The following TNKS variants were observed in gnomAD, a reference collection of about 807,000 sequenced individuals.
TNKS encodes poly [ADP-ribose] polymerase tankyrase-1.
A neutral mutation model predicts 135.8 loss-of-function variants in TNKS; 72 were observed. That is an observed-to-expected ratio of 0.53 (90% CI 0.44 to 0.64). The LOEUF is 0.64. Ranked by LOEUF, TNKS falls within the 30% of genes least tolerant of loss-of-function variation. The probability of loss-of-function intolerance (pLI) is 0.00; values close to 1 mark genes in which losing one functional copy is unlikely to be tolerated. For synonymous variants in TNKS, 849 were observed against 649.3 expected, an observed-to-expected ratio of 1.31 and a Z score of -4.68; for missense variants, 1,769 against 1,674.0, an observed-to-expected ratio of 1.06 and a Z score of -0.99.
chr8:9,640,877 A>G (rs1383717589), intron 3 of TNKS, among the ~76,000 whole-genome samples: 1 of 146,020 alleles, frequency 6.8e-6, no homozygotes, highest in Non-Finnish European at 1.5e-5. Context: ...AACATACCCA[A>G]CATCCTTCTC....
intron 2 of TNKS, among the ~76,000 whole-genome samples, chr8:9,609,354 A>G (rs1585226233): frequency 6.6e-6 from 1 of 152,190 alleles, no homozygotes; most frequent in African/African-American, 2.4e-5. Flanking sequence ...GGCTTTAGAT[A>G]TCGTAGACAC....
chr8:9,729,458 G>T (rs759312273), intron 13 of TNKS, among the ~76,000 whole-genome samples: 13 of 152,140 alleles, frequency 8.5e-5, no homozygotes, highest in Non-Finnish European at 1.3e-4. Flanking sequence ...GCATGCTATT[G>T]TCTGCTCTGC....
intron 22 of TNKS, 103 bp downstream of exon 22, chr8:9,763,347 C>A: frequency 1.5e-6 from 1 of 659,926 alleles, no homozygotes; most frequent in Non-Finnish European, 2.5e-6. Context: ...GGTCACATGC[C>A]TATTAATCAG....
chr8:9,733,050 C>T (rs563598128), intron 14 of TNKS, among the ~76,000 whole-genome samples: 101 of 152,236 alleles, frequency 6.6e-4, no homozygotes, highest in African/African-American at 2.4e-3. Flanking sequence ...ATATATCCAT[C>T]CCCAAGAAAC....
intron 3 of TNKS, among the ~76,000 whole-genome samples, chr8:9,634,657 T>C (rs1483515515): frequency 1.3e-5 from 2 of 152,092 alleles, no homozygotes; most frequent in Admixed American, 1.3e-4. Context: ...TGGATTGAAG[T>C]TGTAGGCATC....
intron 2 of TNKS, among the ~76,000 whole-genome samples, chr8:9,599,590 T>C (rs1334646013): frequency 6.6e-6 from 1 of 152,200 alleles, no homozygotes; most frequent in African/African-American, 2.4e-5. Context: ...TTACACTCAA[T>C]CTTACATTTA....
chr8:9,744,873 C>G (rs1371559891), intron 17 of TNKS, among the ~76,000 whole-genome samples: 1 of 152,066 alleles, frequency 6.6e-6, no homozygotes, highest in Non-Finnish European at 1.5e-5. Flanking sequence ...TTGGTTTGTC[C>G]AAGCATAAAC....
Position 9,676,661 on chromosome 8 carries a change from C to G in TNKS, c.995-3290C>G, listed in dbSNP as rs144377751. On this transcript the variant is annotated intron_variant, in intron 3 of 26. Transcript: ENST00000310430. The stretch of plus-strand genomic sequence containing the variant: ...TAACATAGCTCTTTAACACATAAGC[C>G]TCGTATTTCTCCCTCTCTCTCTCTC... Among the ~76,000 whole-genome samples, 510 of 145,978 alleles carry G rather than the reference C, an allele frequency of 3.5e-3. 3 individuals are homozygous for G. The highest frequency in any genetic ancestry group is 0.012 in the African/African-American group (474 of 38,806).
At chr8:9,672,672 A>G (rs1226703028) in intron 3 of TNKS, among the ~76,000 whole-genome samples, 1 of 135,326 alleles carries the variant, frequency 7.4e-6, no homozygotes, top group Non-Finnish European at 1.6e-5. Flanking sequence ...AAAAAAAAAA[A>G]AAAACACATA....
intron 3 of TNKS, among the ~76,000 whole-genome samples, chr8:9,646,846 C>T (rs1800936743): frequency 6.6e-6 from 1 of 152,056 alleles, no homozygotes; most frequent in Non-Finnish European, 1.5e-5. Flanking sequence ...ATGAGTAAAC[C>T]TAATCCTTTT....
rs930379254 is a variant in TNKS, at chr8:9,780,008, G to A, written c.*3272G>A. Reference sequence around the variant, plus strand: ...CTCTCAAAATACAAAGTGCATTGAAGTATACAGAGAAATGCCTGAATATGG... The same window carrying A: ...CTCTCAAAATACAAAGTGCATTGAAATATACAGAGAAATGCCTGAATATGG... On this transcript the variant is annotated 3_prime_UTR_variant, in exon 27 of 27. Coordinates refer to ENST00000310430, the MANE Select transcript of TNKS (RefSeq NM_003747.3). 2 of 152,210 alleles carry A rather than the reference G, an allele frequency of 1.3e-5. No homozygotes were observed. Among genetic ancestry groups the A allele is most frequent in the South Asian group, 2.1e-4 (1 of 4,832 alleles). 9.4% of individuals were successfully genotyped at this position (152,210 alleles called of 1,614,324 possible). A position where few individuals can be genotyped will look rare whatever the true frequency, so the allele number is the denominator to read the frequency against.
chr8:9,765,832 T>A, intron 24 of TNKS, 35 bp downstream of exon 24: 1 of 1,577,728 alleles, frequency 6.3e-7, no homozygotes, highest in Non-Finnish European at 8.7e-7. Context: ...GACGTCTCCC[T>A]GGGCCTTTGC....
rs758278983 is a variant in TNKS, at chr8:9,710,066, G to C, written c.1670+20G>C. ...TAAAGAGTAAGTATAATTGCAGAAG[G>C]AGTTGTTCAGTTCCTAAAGAGGAAA... On this transcript the variant is annotated intron_variant, in intron 10 of 26. Transcript: ENST00000310430. 6.2e-7 allele frequency: 1 copy of C among 1,611,008 alleles called. No individual in the cohort carries two copies. The highest frequency in any genetic ancestry group is 8.5e-7 in the Non-Finnish European group (1 of 1,177,210).
chr8:9,720,629 C>G, intron 12 of TNKS, 84 bp downstream of exon 12: 1 of 1,393,498 alleles, frequency 7.2e-7, no homozygotes, highest in South Asian at 1.6e-5. Context: ...GCAGTGTTTA[C>G]TTTGCCTGAA....
At chr8:9,726,500 A>G in intron 12 of TNKS, 141 bp from the exon 13 acceptor site, 1 of 590,760 alleles carries the variant, frequency 1.7e-6, no homozygotes. Context: ...TTGCTACAAC[A>G]TTTAGTAAAA....
Position 9,580,315 on chromosome 8 carries a change from C to T in TNKS, c.830C>T (p.Ala277Val). 6.2e-7 allele frequency: 1 copy of T among 1,614,028 alleles called. No individual in the cohort carries two copies. The change falls in exon 2 of 27, where the codon GCC becomes GTC. Residue 277 changes from alanine (A) to valine (V), a missense_variant. Ala to Val is a moderately conservative substitution (Grantham distance 64). Around this residue, in one of 5 missense-constraint regions of TNKS, gnomAD observed 523 missense variants for 541.0 expected, o/e 0.97. Coordinates refer to ENST00000310430, the MANE Select transcript of TNKS (RefSeq NM_003747.3). ...TTGTGCCAAGGAGCTGATCCAAATG[C>T]CAGGGATAACTGGAACTATACACCT... ...LLLCQGADPN[A>V]RDNWNYTPLH...
chr8:9,749,137 G>A (rs1806388082), intron 18 of TNKS, among the ~76,000 whole-genome samples: 1 of 152,228 alleles, frequency 6.6e-6, no homozygotes, highest in Admixed American at 6.5e-5. Context: ...CATGAAGTCA[G>A]CTCAGGTTCA....
chr8:9,562,188 G>A (rs1318455346), intron 1 of TNKS, among the ~76,000 whole-genome samples: 1 of 151,584 alleles, frequency 6.6e-6, no homozygotes, highest in Non-Finnish European at 1.5e-5. Context: ...CAGTTTTGTT[G>A]GGTTATCTTT....
chr8:9,677,506 C>G (rs1336929288), intron 3 of TNKS, among the ~76,000 whole-genome samples: 2 of 152,062 alleles, frequency 1.3e-5, no homozygotes, highest in Non-Finnish European at 2.9e-5. Context: ...TCAATAGTAG[C>G]TACTTTTAAG....
Sources: gnomAD v4.1 joint callset for allele counts (sites outside exome capture counted in the v4.1 genomes callset) on GRCh38, gnomAD v4.1.1 for gene constraint, gnomAD v4.1.1 regional missense constraint, MANE v1.5 for transcripts, NCBI Gene and HGNC (gene_info 2026-07-23, HGNC 2026-07-21) for gene names.